MAPKAP1: variants seen among roughly 807,000 people sequenced by gnomAD.
MAPKAP1 encodes MAPK associated protein 1, also known as target of rapamycin complex 2 subunit MAPKAP1.
MAPKAP1 carries 20 observed loss-of-function variants against 65.7 expected under a neutral mutation model. The observed-to-expected ratio is 0.30, with a 90% CI of 0.21 to 0.44. MAPKAP1 has a LOEUF of 0.44. Ranked by LOEUF, MAPKAP1 falls within the 20% of genes least tolerant of loss-of-function variation. MAPKAP1 has a pLI of 1.00. For missense variants in MAPKAP1, 423 were observed against 648.0 expected (o/e 0.65, Z 3.77); for synonymous variants, 222 against 244.3 (o/e 0.91, Z 0.85).
At chr9:125,451,176 T>C (rs1483446966) in intron 10 of MAPKAP1, 1 of 152,244 alleles carries the variant, frequency 6.6e-6, no homozygotes, top group Admixed American at 6.5e-5. Flanking sequence ...CTTCCTCTCA[T>C]GTATCGAAAA....
chr9:125,647,110 G>A (rs1320640362), intron 4 of MAPKAP1, among the ~76,000 whole-genome samples: 1 of 152,190 alleles, frequency 6.6e-6, no homozygotes, highest in Admixed American at 6.5e-5. Flanking sequence ...ATGAATTGTA[G>A]CTAAATGCAC....
At chr9:125,475,459 G>A (rs563844159) in intron 9 of MAPKAP1, among the ~76,000 whole-genome samples, 57 of 152,298 alleles carry the variant, frequency 3.7e-4, no homozygotes, top group Admixed American at 9.8e-4. Context: ...ATTCTGAAAC[G>A]GTTTGGGAAC....
intron 4 of MAPKAP1, among the ~76,000 whole-genome samples, chr9:125,650,647 G>T (rs1487537971): frequency 1.3e-5 from 2 of 152,140 alleles, no homozygotes; most frequent in African/African-American, 4.8e-5. Context: ...GGAATTTTTA[G>T]AAGATGGCTC....
intron 4 of MAPKAP1, among the ~76,000 whole-genome samples, chr9:125,625,255 T>TTAAAAAAAAAAAAAAAAAAAAAA (rs1564589549): frequency 1.5e-5 from 1 of 64,710 alleles, no homozygotes; most frequent in Admixed American, 1.7e-4. Flanking sequence ...AATAAATAAA[T>TTAAAAAAAAAAAAAAAAAAAAAA]AAAAAAAAAA....
chr9:125,621,545 CTTAA>C (rs1407231857), intron 4 of MAPKAP1, among the ~76,000 whole-genome samples: 1 of 152,140 alleles, frequency 6.6e-6, no homozygotes, highest in Non-Finnish European at 1.5e-5. Flanking sequence ...ACAGTAAATG[CTTAA>C]TTAATGCTTT....
Position 125,693,710 on chromosome 9 carries a change from CAT to C in MAPKAP1, c.-70+13259_-70+13260del, listed in dbSNP as rs367932121. ...ACGTATATATACACGTATATATACA[CAT>C]ATATACACGTATATACACATATATA... On this transcript the variant is annotated intron_variant, in intron 1 of 11. Coordinates refer to ENST00000265960, the MANE Select transcript of MAPKAP1 (RefSeq NM_001006617.3). Among the ~76,000 whole-genome samples the C allele has an allele frequency of 2.1e-3, 269 of 130,052 alleles. 33 individuals are homozygous for C. Among genetic ancestry groups the C allele is most frequent in the African/African-American group, 8.7e-3 (258 of 29,594 alleles). 85.3% of individuals were successfully genotyped at this position (130,052 alleles called of 152,430 possible). A position where few individuals can be genotyped will look rare whatever the true frequency, so the allele number is the denominator to read the frequency against.
Position 125,543,058 on chromosome 9 carries a change from C to T in MAPKAP1, c.958+1G>A. 1 of 1,596,294 alleles carries T rather than the reference C, an allele frequency of 6.3e-7. No homozygotes were observed. The highest frequency in any genetic ancestry group is 8.6e-7 in the Non-Finnish European group (1 of 1,163,700). ...GTGAGAATATGATTTAACTATCCCA[C>T]CTGAAACTTTCTGGGATCCTTTTCT... is the stretch of plus-strand genomic sequence containing the variant. On this transcript the variant is annotated splice_donor_variant, in intron 7 of 11. Transcript: ENST00000265960. LOFTEE classifies it high-confidence loss of function.
At position 125,439,942 on chromosome 9, in the gene MAPKAP1, C is replaced by T. The variant is rs570242051; in HGVS notation, c.1444-930G>A. Among the ~76,000 whole-genome samples, 1 of 152,290 alleles carries T rather than the reference C, an allele frequency of 6.6e-6. No homozygotes were observed. The highest frequency in any genetic ancestry group is 2.4e-5 in the African/African-American group (1 of 41,566). On this transcript the variant is annotated intron_variant, in intron 11 of 11. Transcript: ENST00000265960. This position sits in a 1 kb window ranked among gnomAD's most constrained non-coding sequence, Gnocchi z 4.0. ...AAGGCTTCCAGAGGAAAAGAGTGAG[C>T]GGGCTTTTGAGGGATACACAGGAGT...
At chr9:125,453,631 A>C (rs772424571) in intron 10 of MAPKAP1, among the ~76,000 whole-genome samples, 5 of 152,238 alleles carry the variant, frequency 3.3e-5, no homozygotes, top group Non-Finnish European at 5.9e-5. Flanking sequence ...CTCATTAATA[A>C]ACTTTTTTGT....
chr9:125,486,692 T>C (rs1353822516), intron 8 of MAPKAP1, among the ~76,000 whole-genome samples: 3 of 152,178 alleles, frequency 2.0e-5, no homozygotes. Context: ...ACAATAGTAC[T>C]TTCCTTCAGT....
chr9:125,702,713 G>A (rs577268293), intron 1 of MAPKAP1, among the ~76,000 whole-genome samples: 3 of 151,698 alleles, frequency 2.0e-5, no homozygotes, highest in Non-Finnish European at 2.9e-5. Context: ...TTAGCTGGGC[G>A]TGGTGATGGG....
At chr9:125,670,038 A>T in intron 2 of MAPKAP1, 131 bp from the exon 3 acceptor site, 1 of 514,586 alleles carries the variant, frequency 1.9e-6, no homozygotes, top group Non-Finnish European at 3.4e-6. Context: ...TAAAATTTTA[A>T]AGGTGGCACC....
intron 4 of MAPKAP1, among the ~76,000 whole-genome samples, chr9:125,633,288 C>A (rs1833338549): frequency 6.6e-6 from 1 of 152,158 alleles, no homozygotes; most frequent in Non-Finnish European, 1.5e-5. Context: ...TTGTGGATAA[C>A]AAAGACAGCA....
intron 8 of MAPKAP1, among the ~76,000 whole-genome samples, chr9:125,489,782 AAG>A (rs779162535): frequency 2.6e-5 from 4 of 152,174 alleles, no homozygotes; most frequent in Non-Finnish European, 2.9e-5. Context: ...CCAAGAAAGA[AAG>A]AGAAGGTGCT....
chr9:125,536,436 G>C (rs1055708658), intron 7 of MAPKAP1, among the ~76,000 whole-genome samples: 5 of 152,170 alleles, frequency 3.3e-5, no homozygotes, highest in Non-Finnish European at 7.3e-5. Flanking sequence ...TAGGTCACTG[G>C]ATATAGAGTG....
In MAPKAP1 at chr9:125,657,131, C is replaced by T. The variant is rs1834054630; in HGVS notation, c.498+520G>A. ...CTACAGTTATAATAATCAGCCAAGA[C>T]AATGCAAATTGCCTCCCAGAACCAC... is the stretch of plus-strand genomic sequence containing the variant. On this transcript the variant is annotated intron_variant, in intron 4 of 11. Coordinates refer to ENST00000265960, the MANE Select transcript of MAPKAP1 (RefSeq NM_001006617.3). Among the ~76,000 whole-genome samples, 6 of 152,140 alleles carry T rather than the reference C, an allele frequency of 3.9e-5. No homozygotes were observed. In the South Asian group the frequency reaches 1.2e-3, roughly 32 times the overall value.
rs185763806 is a variant in MAPKAP1 at position 125,447,803 on chromosome 9, A to G, written c.1346-3205T>C. 8.6e-3 allele frequency among the ~76,000 whole-genome samples: 1,312 copies of G among 152,192 alleles called. 9 individuals are homozygous for G. The highest frequency in any genetic ancestry group is 0.015 in the Non-Finnish European group (1,006 of 68,012). ...CCACTAGGGACAGTTTCTTGGGAGG[A>G]GCTGACACCTCCGCAGTTTTGGAGG... On this transcript the variant is annotated intron_variant, in intron 10 of 11. Coordinates refer to ENST00000265960, the MANE Select transcript of MAPKAP1 (RefSeq NM_001006617.3). This position sits in a 1 kb window ranked among gnomAD's most constrained non-coding sequence, Gnocchi z 4.5.
At chr9:125,576,971 T>C (rs1190046443) in intron 5 of MAPKAP1, among the ~76,000 whole-genome samples, 2 of 143,628 alleles carry the variant, frequency 1.4e-5, no homozygotes, top group East Asian at 2.1e-4. Flanking sequence ...CGTCTCTGCC[T>C]GGCCGCCCAT....
chr9:125,683,547 A>G (rs1210332475), intron 1 of MAPKAP1, among the ~76,000 whole-genome samples: 1 of 152,186 alleles, frequency 6.6e-6, no homozygotes, highest in African/African-American at 2.4e-5. Flanking sequence ...CTAGCAAGAG[A>G]AGGAGGATCT....
Sources: gnomAD v4.1 joint callset for allele counts (sites outside exome capture counted in the v4.1 genomes callset) on GRCh38, gnomAD v4.1.1 for gene constraint, Gnocchi (gnomAD v3.1) non-coding constraint, MANE v1.5 for transcripts, NCBI Gene and HGNC (gene_info 2026-07-23, HGNC 2026-07-21) for gene names.